The following ULK4 variants were observed in gnomAD, a reference collection of about 807,000 sequenced individuals.
ULK4 encodes inactive serine/threonine-protein kinase ULK4.
ULK4 carries 133 observed loss-of-function variants against 160.6 expected under a neutral mutation model. The observed-to-expected ratio is 0.83, with a 90% CI of 0.72 to 0.96. ULK4 has a LOEUF of 0.96. Ranked by LOEUF, ULK4 falls within the 40% of genes least tolerant of loss-of-function variation. The pLI is 0.00. For missense variants in ULK4, 1,580 were observed against 1,499.5 expected (o/e 1.05, Z -0.89); for synonymous variants, 534 against 539.8 (o/e 0.99, Z 0.15).
intron 21 of ULK4, among the ~76,000 whole-genome samples, chr3:41,763,449 TAAAC>T (rs1456048402): frequency 7.9e-5 from 12 of 152,120 alleles, no homozygotes; most frequent in Admixed American, 7.9e-4. Context: ...ATAGCAAAGA[TAAAC>T]AAGAAAAGAA....
At chr3:41,937,203 G>C (rs567526164) in intron 3 of ULK4, 3 of 491,338 alleles carry the variant, frequency 6.1e-6, no homozygotes, top group South Asian at 7.2e-5. Context: ...TACAAACGTA[G>C]GCATGTTTTA....
At chr3:41,535,709 C>A (rs115017290) in intron 32 of ULK4, among the ~76,000 whole-genome samples, 66 of 152,322 alleles carry the variant, frequency 4.3e-4, no homozygotes, top group African/African-American at 1.5e-3. Flanking sequence ...ACGCACATAA[C>A]ATCTTTAACC....
intron 17 of ULK4, among the ~76,000 whole-genome samples, chr3:41,860,121 A>AT (rs1316867014): frequency 3.3e-5 from 5 of 152,102 alleles, no homozygotes; most frequent in Admixed American, 6.5e-5. Context: ...AATTTTTTGA[A>AT]TTTTTTAAGA....
chr3:41,956,218 A>G (rs1379898378), intron 1 of ULK4, among the ~76,000 whole-genome samples: 1 of 152,174 alleles, frequency 6.6e-6, no homozygotes, highest in African/African-American at 2.4e-5. Context: ...TGAATGAATG[A>G]ATGAAATGGA....
chr3:41,303,075 G>A (rs770021374), intron 35 of ULK4, among the ~76,000 whole-genome samples: 3 of 152,212 alleles, frequency 2.0e-5, no homozygotes, highest in East Asian at 1.9e-4. Context: ...TCAAGCATTC[G>A]AATATAAATG....
chr3:41,616,947 C>T (rs912772537), intron 30 of ULK4, among the ~76,000 whole-genome samples: 3 of 152,120 alleles, frequency 2.0e-5, no homozygotes, highest in African/African-American at 4.8e-5. Context: ...AGCATGGTAG[C>T]GGAGGGGAAT....
At chr3:41,774,203 A>G (rs1230140620) in intron 21 of ULK4, among the ~76,000 whole-genome samples, 9 of 151,920 alleles carry the variant, frequency 5.9e-5, no homozygotes, top group Admixed American at 3.9e-4. Context: ...AATGGCAACA[A>G]AAGCCAAAAT....
At chr3:41,359,331 A>C (rs2081085845) in intron 35 of ULK4, among the ~76,000 whole-genome samples, 1 of 152,228 alleles carries the variant, frequency 6.6e-6, no homozygotes, top group African/African-American at 2.4e-5. Context: ...ATGATAGAAA[A>C]AGCTAGAAAT....
At chr3:41,321,060 C>A (rs1035751090) in intron 35 of ULK4, among the ~76,000 whole-genome samples, 6 of 151,882 alleles carry the variant, frequency 4.0e-5, no homozygotes, top group Admixed American at 1.3e-4. Flanking sequence ...AATTGCCAGG[C>A]CTCTCTGGTT....
At chr3:41,409,551 A>AT (rs1290016033) in intron 34 of ULK4, among the ~76,000 whole-genome samples, 10 of 152,166 alleles carry the variant, frequency 6.6e-5, no homozygotes, top group Admixed American at 5.9e-4. Flanking sequence ...AAATAATCCA[A>AT]TTTTTTAATG....
rs556453375 is a variant in ULK4, at chr3:41,834,930, T to C, written c.1764+934A>G. On this transcript the variant is annotated intron_variant, in intron 18 of 36. Transcript: ENST00000301831. ...CACGGAGGTGCATACCTGTAGTTTTTATATATTAATATATGTAAATACTAC... is the reference window on the plus strand; with the variant it reads ...CACGGAGGTGCATACCTGTAGTTTTCATATATTAATATATGTAAATACTAC... Among the ~76,000 whole-genome samples, 6 of 152,264 alleles carry C rather than the reference T, an allele frequency of 3.9e-5. No individual in the cohort carries two copies. The South Asian group carries it at 1.2e-3, about 32-fold the overall frequency.
At chr3:41,580,212 G>A (rs2030176605) in intron 31 of ULK4, among the ~76,000 whole-genome samples, 1 of 152,058 alleles carries the variant, frequency 6.6e-6, no homozygotes, top group Non-Finnish European at 1.5e-5. Context: ...GTATTTATAG[G>A]GGTTGAGCAC....
chr3:41,835,011 T>G (rs1559593679), intron 18 of ULK4, among the ~76,000 whole-genome samples: 1 of 152,198 alleles, frequency 6.6e-6, no homozygotes, highest in African/African-American at 2.4e-5. Flanking sequence ...AATTTCTCAA[T>G]CAATACACAG....
chr3:41,300,837 T>TTATATTTATATA (rs2079774713), intron 35 of ULK4, among the ~76,000 whole-genome samples: 1 of 57,868 alleles, frequency 1.7e-5, no homozygotes, highest in East Asian at 6.7e-4. Context: ...ATTTTACAGA[T>TTATATTTATATA]TATATATATA....
chr3:41,346,158 T>G (rs1575453131), intron 35 of ULK4, among the ~76,000 whole-genome samples: 1 of 152,134 alleles, frequency 6.6e-6, no homozygotes, highest in South Asian at 2.1e-4. Flanking sequence ...ACCCGCTGGC[T>G]GGGCTTTAAG....
intron 27 of ULK4, among the ~76,000 whole-genome samples, chr3:41,701,575 A>C (rs1397486215): frequency 6.6e-6 from 1 of 152,218 alleles, no homozygotes; most frequent in Non-Finnish European, 1.5e-5. Flanking sequence ...GGAAACTATA[A>C]AGGATGTACT....
At chr3:41,870,870 G>C (rs1466873043) in intron 17 of ULK4, among the ~76,000 whole-genome samples, 1 of 152,102 alleles carries the variant, frequency 6.6e-6, no homozygotes, top group African/African-American at 2.4e-5. Flanking sequence ...ATCTCACCCT[G>C]AATCGTAATA....
rs181364279 is a variant in ULK4 at position 41,583,445 on chromosome 3, A to T, written c.3121-17315T>A. Among the ~76,000 whole-genome samples the T allele has an allele frequency of 1.4e-3, 220 of 152,338 alleles. 2 individuals are homozygous for T. Among genetic ancestry groups the T allele is most frequent in the African/African-American group, 5.0e-3 (209 of 41,578 alleles). Reference sequence around the variant, plus strand: ...AAATTTTACCCATTCTGCTATCAGGAAGTAACCATTCAGAGGGATGAATAC... The same window carrying T: ...AAATTTTACCCATTCTGCTATCAGGTAGTAACCATTCAGAGGGATGAATAC... On this transcript the variant is annotated intron_variant, in intron 31 of 36. Coordinates refer to ENST00000301831, the MANE Select transcript of ULK4 (RefSeq NM_017886.4).
intron 34 of ULK4, among the ~76,000 whole-genome samples, chr3:41,400,206 C>A (rs2082150798): frequency 2.0e-5 from 3 of 151,994 alleles, no homozygotes; most frequent in African/African-American, 7.3e-5. Context: ...TCTGATTTTA[C>A]TAATTTTATA....
Sources: allele counts gnomAD v4.1 joint callset (sites outside exome capture counted in the v4.1 genomes callset), GRCh38; gene constraint gnomAD v4.1.1; transcripts MANE v1.5; gene names NCBI Gene and HGNC (gene_info 2026-07-23, HGNC 2026-07-21).